The following ZSCAN1 variants were observed in gnomAD, a reference collection of about 807,000 sequenced individuals.
ZSCAN1 encodes zinc finger and SCAN domain containing 1.
ZSCAN1 carries 23 observed loss-of-function variants against 23.8 expected under a neutral mutation model. That is an observed-to-expected ratio of 0.97 (90% CI 0.70 to 1.37). The LOEUF (loss-of-function observed/expected upper bound fraction) is 1.37. Among genes scored for constraint, ZSCAN1 ranks in the 40% most tolerant of loss-of-function variants. The pLI, the probability that ZSCAN1 is intolerant of heterozygous loss-of-function variation, is 0.00. For missense variants in ZSCAN1, 575 were observed against 554.0 expected (o/e 1.04, Z -0.38); for synonymous variants, 236 against 232.3 (o/e 1.02, Z -0.15).
Position 58,053,555 on chromosome 19 carries a change from A to T in ZSCAN1, c.731A>T (p.Gln244Leu). 3.1e-6 allele frequency: 5 copies of T among 1,614,196 alleles called. No individual in the cohort carries two copies. The highest frequency in any genetic ancestry group is 4.2e-6 in the Non-Finnish European group (5 of 1,180,026). ...TCGAGCCCCAAGGGTCCAAGTGCTC[A>T]GAGAATCAGTCCCCGAAGGAGAAAC... Reference protein sequence around the residue: ...VISSPKGPSAQRISPRRRNRN... With the variant: ...VISSPKGPSALRISPRRRNRN... Residue 244 changes from glutamine to leucine, a missense_variant, in exon 6 of 6, where the codon CAG (glutamine) becomes CTG (leucine). Physicochemically the swap from Gln to Leu is moderately radical, Grantham distance 113 (BLOSUM62 -2). Transcript: ENST00000282326. The surrounding 1 kb of genome is among the most constrained non-coding windows in gnomAD (Gnocchi z 5.8).
In ZSCAN1 at chr19:58,049,922, T is replaced by C. The variant is rs1482468377; in HGVS notation, c.466-2568T>C. On this transcript the variant is annotated intron_variant, in intron 4 of 5. Coordinates refer to ENST00000282326, the MANE Select transcript of ZSCAN1 (RefSeq NM_182572.4). The surrounding 1 kb of genome is among the most constrained non-coding windows in gnomAD (Gnocchi z 4.5). ...TGTGGGCATTCTCGGGTTTTTTCAC[T>C]TTACTCCACTGTGTTGCTGCAGATC... Among the ~76,000 whole-genome samples, 2 of 152,148 alleles carry C rather than the reference T, an allele frequency of 1.3e-5. No individual in the cohort carries two copies. Among genetic ancestry groups the C allele is most frequent in the Non-Finnish European group, 2.9e-5 (2 of 68,018 alleles).
chr19:58,051,194 C>T (rs1055401201), intron 4 of ZSCAN1, among the ~76,000 whole-genome samples: 3 of 152,110 alleles, frequency 2.0e-5, no homozygotes, highest in Admixed American at 6.5e-5. Context: ...TAGTCACAGA[C>T]GCCAAGGTGG....
intron 4 of ZSCAN1, chr19:58,046,182 G>A (rs2073824318): frequency 1.3e-6 from 1 of 747,084 alleles, no homozygotes. Flanking sequence ...AGGAAGAGAT[G>A]ACTAAGGAGG....
At chr19:58,046,648 G>A in intron 4 of ZSCAN1, 1 of 875,574 alleles carries the variant, frequency 1.1e-6, no homozygotes. Flanking sequence ...TGAGCTGGTG[G>A]ACAAAGAAGA....
intron 3 of ZSCAN1, among the ~76,000 whole-genome samples, chr19:58,039,750 G>A (rs1257440849): frequency 6.1e-5 from 8 of 131,854 alleles, no homozygotes; most frequent in Non-Finnish European, 9.2e-5. Context: ...CAGCCTGGGC[G>A]ACAGAGCGAG....
chr19:58,046,358 T>C (rs2073825996), intron 4 of ZSCAN1: 2 of 933,710 alleles, frequency 2.1e-6, no homozygotes, highest in African/African-American at 1.6e-5. Context: ...GAAAAATACA[T>C]GGAAGGATCT....
intron 4 of ZSCAN1, 138 bp from the exon 5 acceptor site, chr19:58,052,352 G>T: frequency 7.0e-7 from 1 of 1,418,558 alleles, no homozygotes; most frequent in Non-Finnish European, 9.6e-7. Context: ...CAAAGCACGG[G>T]AACAACAGGC....
rs143428215 is a variant in ZSCAN1 at position 58,040,469 on chromosome 19, G to A, written c.390G>A (p.Ser130=). Residue 130 remains serine (S), a synonymous_variant, in exon 4 of 6, where the codon TCG becomes TCA. Coordinates refer to ENST00000282326, the MANE Select transcript of ZSCAN1 (RefSeq NM_182572.4). This position sits in a 1 kb window ranked among gnomAD's most constrained non-coding sequence, Gnocchi z 5.8. ...CQQEVLVSLD[S]VEPQDWSFGE... ...GCACAGTTCTGGTATCTCTGGACTC[G>A]GTCGAACCCCAGGACTGGAGTTTCG... 130 of 1,613,666 alleles carry A rather than the reference G, an allele frequency of 8.1e-5. No individual in the cohort carries two copies. Among genetic ancestry groups the A allele is most frequent in the Non-Finnish European group, 9.8e-5 (116 of 1,179,984 alleles).
Position 58,038,295 on chromosome 19 carries a change from T to C in ZSCAN1, c.370+89T>C, listed in dbSNP as rs765899459. 7.3e-6 allele frequency: 11 copies of C among 1,503,514 alleles called. 1 individual carries two copies. In the South Asian group the frequency reaches 1.2e-4, roughly 17 times the overall value. 93.1% of individuals were successfully genotyped at this position (1,503,514 alleles called of 1,614,324 possible). A position where few individuals can be genotyped will look rare whatever the true frequency, so the allele number is the denominator to read the frequency against. ...CTGCCCTCCTTCCCGCCCACATCGC[T>C]CCCACCCCTGCCCGGCCCCTCCCGA... On this transcript the variant is annotated intron_variant, in intron 3 of 5. Coordinates refer to ENST00000282326, the MANE Select transcript of ZSCAN1 (RefSeq NM_182572.4).
In ZSCAN1 at chr19:58,053,293, C is replaced by A; in HGVS notation, c.605-136C>A. 8.9e-7 allele frequency: 1 copy of A among 1,120,332 alleles called. No individual in the cohort carries two copies. The highest frequency in any genetic ancestry group is 1.3e-6 in the Non-Finnish European group (1 of 791,084). 69.4% of individuals were successfully genotyped at this position (1,120,332 alleles called of 1,614,324 possible). A position where few individuals can be genotyped will look rare whatever the true frequency, so the allele number is the denominator to read the frequency against. On this transcript the variant is annotated intron_variant, in intron 5 of 5. Coordinates refer to ENST00000282326, the MANE Select transcript of ZSCAN1 (RefSeq NM_182572.4). The surrounding 1 kb of genome is among the most constrained non-coding windows in gnomAD (Gnocchi z 5.8). ...GTATCTTAAAGGACAGAACGGAGGA[C>A]ACAGGGGCCGTATTGAGCAGAGGAA...
At position 58,045,837 on chromosome 19, in the gene ZSCAN1, G is replaced by A. The variant is rs1202067215; in HGVS notation, c.465+5293G>A. On this transcript the variant is annotated intron_variant, in intron 4 of 5. Coordinates refer to ENST00000282326, the MANE Select transcript of ZSCAN1 (RefSeq NM_182572.4). This position sits in a 1 kb window ranked among gnomAD's most constrained non-coding sequence, Gnocchi z 4.3. ...TCCTGTCCCGGACCATGTAGCTCCC[G>A]GACACCCTCTTGCCAGCCGACCAGC... 1.5e-5 allele frequency: 20 copies of A among 1,302,580 alleles called. No individual in the cohort carries two copies. The highest frequency in any genetic ancestry group is 5.0e-5 in the Admixed American group (3 of 59,470). 80.7% of individuals were successfully genotyped at this position (1,302,580 alleles called of 1,614,324 possible).
At chr19:58,051,716 T>C (rs996703895) in intron 4 of ZSCAN1, among the ~76,000 whole-genome samples, 1 of 152,220 alleles carries the variant, frequency 6.6e-6, no homozygotes, top group Non-Finnish European at 1.5e-5. Context: ...AGTGTCACTG[T>C]GTTTTCCTTT....
At position 58,045,844 on chromosome 19, in the gene ZSCAN1, C is replaced by G; in HGVS notation, c.465+5300C>G. 1.7e-6 allele frequency: 2 copies of G among 1,205,112 alleles called. No individual in the cohort carries two copies. Among genetic ancestry groups the G allele is most frequent in the Non-Finnish European group, 2.5e-6 (2 of 807,040 alleles). The allele number at this position is 1,205,112 out of a possible 1,614,324, so 74.7% of individuals were successfully genotyped here. A position where few individuals can be genotyped will look rare whatever the true frequency, so the allele number is the denominator to read the frequency against. On this transcript the variant is annotated intron_variant, in intron 4 of 5. Transcript: ENST00000282326. This position sits in a 1 kb window ranked among gnomAD's most constrained non-coding sequence, Gnocchi z 4.3. Reference sequence around the variant, plus strand: ...CCGGACCATGTAGCTCCCGGACACCCTCTTGCCAGCCGACCAGCTCAAGTC... The same window carrying G: ...CCGGACCATGTAGCTCCCGGACACCGTCTTGCCAGCCGACCAGCTCAAGTC...
chr19:58,055,224 C>T (rs918818282), downstream of ZSCAN1, among the ~76,000 whole-genome samples: 2 of 152,224 alleles, frequency 1.3e-5, no homozygotes, highest in African/African-American at 2.4e-5. Flanking sequence ...ACGTCACATC[C>T]GCCTGCTGCT....
Position 58,053,780 on chromosome 19 carries a change from C to T in ZSCAN1, c.956C>T (p.Pro319Leu). ...CAGAAGACCCATCGCGAGGAAGGGCCCTTTCCGTGCCCCGAGTGTGGCAAG... is the reference window on the plus strand; with the variant it reads ...CAGAAGACCCATCGCGAGGAAGGGCTCTTTCCGTGCCCCGAGTGTGGCAAG... Reference protein sequence around the residue: ...EHQKTHREEGPFPCPECGKVF... With the variant: ...EHQKTHREEGLFPCPECGKVF... The change falls in exon 6 of 6, where the codon CCC becomes CTC. Residue 319 changes from proline to leucine, a missense_variant. Transcript: ENST00000282326. This position sits in a 1 kb window ranked among gnomAD's most constrained non-coding sequence, Gnocchi z 5.8. The T allele has an allele frequency of 6.2e-7, 1 of 1,614,100 alleles. No homozygotes were observed. Among genetic ancestry groups the T allele is most frequent in the South Asian group, 1.1e-5 (1 of 91,064 alleles).
chr19:58,056,403 G>C (rs2073889386), downstream of ZSCAN1, among the ~76,000 whole-genome samples: 1 of 152,196 alleles, frequency 6.6e-6, no homozygotes, highest in African/African-American at 2.4e-5. Context: ...ACCACACCCA[G>C]CATACAACAG....
intron 4 of ZSCAN1, chr19:58,044,718 G>A (rs1201651822): frequency 4.0e-6 from 3 of 751,952 alleles, no homozygotes; most frequent in South Asian, 1.4e-5. Flanking sequence ...CCCTGGGGTT[G>A]AGGAGCTGCC....
chr19:58,049,638 G>A lies in ZSCAN1; in HGVS notation c.466-2852G>A, dbSNP rs1450246537. Among the ~76,000 whole-genome samples, 5 of 152,196 alleles carry A rather than the reference G, an allele frequency of 3.3e-5. No individual in the cohort carries two copies. Among genetic ancestry groups the A allele is most frequent in the Non-Finnish European group, 5.9e-5 (4 of 68,034 alleles). On this transcript the variant is annotated intron_variant, in intron 4 of 5. Transcript: ENST00000282326. The surrounding 1 kb of genome is among the most constrained non-coding windows in gnomAD (Gnocchi z 4.5). ...GGGAGGGGCTGCCTGAAGCCTGTAA[G>A]GGTAGCTGCCCGAAGCCCTTTGAGG...
At chr19:58,056,083 C>A (rs1223215860), downstream of ZSCAN1, among the ~76,000 whole-genome samples, 1 of 152,208 alleles carries the variant, frequency 6.6e-6, no homozygotes, top group Non-Finnish European at 1.5e-5. Context: ...TCTGCACCAT[C>A]AGCCCCAGGC....
Sources: gnomAD v4.1 joint callset for allele counts (sites outside exome capture counted in the v4.1 genomes callset) on GRCh38, gnomAD v4.1.1 for gene constraint, Gnocchi (gnomAD v3.1) non-coding constraint, MANE v1.5 for transcripts, NCBI Gene and HGNC (gene_info 2026-07-23, HGNC 2026-07-21) for gene names.